Variants in MAP2K5 observed in about 807,000 individuals in gnomAD.
MAP2K5 encodes the protein mitogen-activated protein kinase kinase 5.
MAP2K5 carries 49 observed loss-of-function variants against 83.1 expected under a neutral mutation model. The observed-to-expected ratio is 0.59, with a 90% CI of 0.47 to 0.75. MAP2K5 has a LOEUF of 0.75. MAP2K5 is among the 30% of genes least tolerant of loss of function. The pLI is 0.00. For missense variants in MAP2K5, 457 were observed against 557.5 expected, an observed-to-expected ratio of 0.82 and a Z score of 1.82; for synonymous variants, 202 against 191.8, an observed-to-expected ratio of 1.05 and a Z score of -0.44.
intron 8 of MAP2K5, among the ~76,000 whole-genome samples, chr15:67,614,380 G>T (rs1323622257): frequency 2.6e-5 from 4 of 152,184 alleles, no homozygotes; most frequent in Admixed American, 2.6e-4. Flanking sequence ...ATTTTGGAAA[G>T]TAATTTATTG....
Position 67,572,692 on chromosome 15 carries a change from A to ATAT in MAP2K5, c.253-8048_253-8046dup, listed in dbSNP as rs1359000044. 7.6e-6 allele frequency among the ~76,000 whole-genome samples: 1 copy of ATAT among 131,178 alleles called. No individual in the cohort carries two copies. The highest frequency in any genetic ancestry group is 2.6e-5 in the African/African-American group (1 of 38,718). The allele number at this position is 131,178 out of a possible 152,430, so 86.1% of individuals were successfully genotyped here. The stretch of plus-strand genomic sequence containing the variant: ...TAATTACTATATTTTGCAAGAATTG[A>ATAT]TATTATTATTATTATTTTTTTTTTT... On this transcript the variant is annotated intron_variant, in intron 3 of 21. Coordinates refer to ENST00000178640, the MANE Select transcript of MAP2K5 (RefSeq NM_145160.3). The surrounding 1 kb of genome is among the most constrained non-coding windows in gnomAD (Gnocchi z 4.2).
intron 17 of MAP2K5, among the ~76,000 whole-genome samples, chr15:67,740,241 T>C (rs1210881376): frequency 6.6e-6 from 1 of 152,230 alleles, no homozygotes; most frequent in African/African-American, 2.4e-5. Flanking sequence ...AAGGACTTAA[T>C]AAACATATAT....
At chr15:67,729,814 A>G (rs118165148) in intron 17 of MAP2K5, among the ~76,000 whole-genome samples, 4,680 of 152,296 alleles carry the variant, frequency 0.031, 112 homozygotes, top group East Asian at 0.076. Flanking sequence ...AGTGAAGCAC[A>G]TGAAAGCTGT....
At chr15:67,696,670 C>A (rs569927522) in intron 15 of MAP2K5, among the ~76,000 whole-genome samples, 1 of 151,790 alleles carries the variant, frequency 6.6e-6, no homozygotes, top group South Asian at 2.1e-4. Flanking sequence ...TAAGTTGTAC[C>A]AAACATACAT....
chr15:67,591,259 C>T (rs974204636), intron 6 of MAP2K5, among the ~76,000 whole-genome samples: 3 of 151,454 alleles, frequency 2.0e-5, no homozygotes, highest in Admixed American at 6.6e-5. Context: ...GCAGAAGAAT[C>T]GCTTGAACCC....
intron 7 of MAP2K5, among the ~76,000 whole-genome samples, chr15:67,597,040 G>A (rs547729998): frequency 6.6e-6 from 1 of 151,922 alleles, no homozygotes; most frequent in South Asian, 2.1e-4. Context: ...ATGGTGGTGG[G>A]CGCCTGTAGT....
intron 8 of MAP2K5, among the ~76,000 whole-genome samples, chr15:67,630,345 T>G (rs2086442573): frequency 6.6e-6 from 1 of 152,260 alleles, no homozygotes; most frequent in Non-Finnish European, 1.5e-5. Context: ...TACATTTATA[T>G]TTATTGATTT....
At chr15:67,672,853 G>T (rs995744447) in intron 13 of MAP2K5, among the ~76,000 whole-genome samples, 3 of 151,408 alleles carry the variant, frequency 2.0e-5, no homozygotes, top group Non-Finnish European at 4.4e-5. Context: ...GTGTAAGGAA[G>T]GGATCCAGTT....
intron 13 of MAP2K5, among the ~76,000 whole-genome samples, chr15:67,674,889 A>G (rs961685555): frequency 1.3e-5 from 2 of 152,206 alleles, no homozygotes; most frequent in African/African-American, 4.8e-5. Flanking sequence ...AATGCAAATT[A>G]AAACCACCAT....
rs1266393654 is a variant in MAP2K5 at position 67,677,866 on chromosome 15, G to A, written c.847+13221G>A. ...TCCCAGGTACCCTGCCTTTATTGAA[G>A]AAGGAAAGGGCACGTTTGTTGCCTC... On this transcript the variant is annotated intron_variant, in intron 13 of 21. Transcript: ENST00000178640. The surrounding 1 kb of genome is among the most constrained non-coding windows in gnomAD (Gnocchi z 4.2). 6.6e-6 allele frequency among the ~76,000 whole-genome samples: 1 copy of A among 152,180 alleles called. No homozygotes were observed. The highest frequency in any genetic ancestry group is 2.4e-5 in the African/African-American group (1 of 41,436).
At chr15:67,549,036 G>T in intron 1 of MAP2K5, 1 of 1,478,424 alleles carries the variant, frequency 6.8e-7, no homozygotes, top group South Asian at 1.4e-5. Context: ...TGCTTGGAAA[G>T]GCTGTGGGCT....
At chr15:67,766,762 C>T (rs2090049443) in intron 19 of MAP2K5, among the ~76,000 whole-genome samples, 6 of 152,200 alleles carry the variant, frequency 3.9e-5, no homozygotes, top group Admixed American at 3.3e-4. Context: ...AGAGAACACT[C>T]TCAGGTATAT....
At chr15:67,684,938 C>T (rs1204187082) in intron 13 of MAP2K5, among the ~76,000 whole-genome samples, 1 of 152,030 alleles carries the variant, frequency 6.6e-6, no homozygotes, top group East Asian at 1.9e-4. Flanking sequence ...TAAATGAGCA[C>T]AACCTTAATG....
intron 21 of MAP2K5, among the ~76,000 whole-genome samples, chr15:67,800,117 A>T (rs2090676882): frequency 6.6e-6 from 1 of 152,234 alleles, no homozygotes; most frequent in Non-Finnish European, 1.5e-5. Flanking sequence ...TAATATTATC[A>T]GGCTGCCCAC....
chr15:67,601,988 T>C (rs2085668471), intron 8 of MAP2K5, among the ~76,000 whole-genome samples: 1 of 152,264 alleles, frequency 6.6e-6, no homozygotes. Flanking sequence ...GGTCTGAAAA[T>C]GAAGTTCTTC....
Position 67,563,269 on chromosome 15 carries a change from G to T in MAP2K5, c.185-14G>T. 6.2e-7 allele frequency: 1 copy of T among 1,606,566 alleles called. No individual in the cohort carries two copies. ...ATGCACACCTTATCATTTGCATTAT[G>T]TGCTTTTAAACAGATGAAGATGAAG... On this transcript the variant is annotated splice_polypyrimidine_tract_variant and intron_variant, in intron 2 of 21. Coordinates refer to ENST00000178640, the MANE Select transcript of MAP2K5 (RefSeq NM_145160.3). This position sits in a 1 kb window ranked among gnomAD's most constrained non-coding sequence, Gnocchi z 4.5.
chr15:67,772,483 A>G lies in MAP2K5; in HGVS notation c.1197-224A>G, dbSNP rs572197659. Among the ~76,000 whole-genome samples the G allele has an allele frequency of 2.9e-3, 438 of 152,350 alleles. 16 individuals are homozygous for G. The highest frequency in any genetic ancestry group is 7.7e-4 in the East Asian group (4 of 5,194). On this transcript the variant is annotated intron_variant, in intron 20 of 21. Coordinates refer to ENST00000178640, the MANE Select transcript of MAP2K5 (RefSeq NM_145160.3). ...CAAAATATTTTTTAAGTGAAAAAGT[A>G]AGAAAAAGCTTTTTGTTTCTTACTC...
intron 3 of MAP2K5, among the ~76,000 whole-genome samples, chr15:67,567,611 G>T (rs978289522): frequency 6.6e-6 from 1 of 151,940 alleles, no homozygotes; most frequent in Non-Finnish European, 1.5e-5. Context: ...TGATCCACCC[G>T]CCTCGGCCTC....
intron 1 of MAP2K5, chr15:67,548,959 C>G: frequency 7.8e-7 from 1 of 1,277,760 alleles, no homozygotes; most frequent in Non-Finnish European, 1.0e-6. Flanking sequence ...ATGCAAATTG[C>G]CACTGCAGCA....
Sources: allele counts gnomAD v4.1 joint callset (sites outside exome capture counted in the v4.1 genomes callset), GRCh38; gene constraint gnomAD v4.1.1; non-coding constraint Gnocchi (gnomAD v3.1); transcripts MANE v1.5; gene names NCBI Gene and HGNC (gene_info 2026-07-23, HGNC 2026-07-21).